Variants in CTNNA3 observed in about 807,000 individuals in gnomAD.
The protein encoded by CTNNA3 is catenin alpha 3.
In CTNNA3, 76 loss-of-function variants were observed where a neutral mutation model predicts 95.7. That is an observed-to-expected ratio of 0.79 (90% CI 0.66 to 0.96). The LOEUF (loss-of-function observed/expected upper bound fraction) is 0.96. Ranked by LOEUF, CTNNA3 falls within the 40% of genes least tolerant of loss-of-function variation. The pLI, the probability that CTNNA3 is intolerant of heterozygous loss-of-function variation, is 0.00. For synonymous variants in CTNNA3, 431 were observed against 374.4 expected (o/e 1.15, Z -1.74); for missense variants, 1,191 against 1,089.8 (o/e 1.09, Z -1.31).
rs2091578506 is a variant in CTNNA3, at chr10:66,285,854, G to T, written c.1733-5233C>A. Among the ~76,000 whole-genome samples the T allele has an allele frequency of 3.3e-5, 5 of 151,104 alleles. No homozygotes were observed. The South Asian group carries it at 1.0e-3, about 32-fold the overall frequency. ...ATAAGAAGTTCGTGCAACTGTTTTG[G>T]TTCATGCAAATAGAATCATACTGCA... On this transcript the variant is annotated intron_variant, in intron 12 of 17. Transcript: ENST00000433211.
chr10:67,442,452 T>C (rs1846556901), intron 5 of CTNNA3, among the ~76,000 whole-genome samples: 1 of 152,062 alleles, frequency 6.6e-6, no homozygotes, highest in Non-Finnish European at 1.5e-5. Context: ...CCCAATGATC[T>C]GTTGCCTACA....
intron 13 of CTNNA3, among the ~76,000 whole-genome samples, chr10:66,148,024 T>C (rs1303335277): frequency 6.6e-6 from 1 of 151,734 alleles, no homozygotes; most frequent in Non-Finnish European, 1.5e-5. Flanking sequence ...CAGCTCATTA[T>C]TGTTTTATTT....
At chr10:66,136,946 T>A (rs1251912488) in intron 13 of CTNNA3, among the ~76,000 whole-genome samples, 1 of 152,004 alleles carries the variant, frequency 6.6e-6, no homozygotes, top group Non-Finnish European at 1.5e-5. Flanking sequence ...CTCAGCCTCC[T>A]GAGTACCTGG....
At chr10:66,244,602 A>C (rs1408958319) in intron 13 of CTNNA3, among the ~76,000 whole-genome samples, 1 of 152,020 alleles carries the variant, frequency 6.6e-6, no homozygotes, top group Non-Finnish European at 1.5e-5. Context: ...TCTGCCTGGT[A>C]ATTCGGAGAA....
At chr10:67,032,028 A>G (rs1201156867) in intron 7 of CTNNA3, among the ~76,000 whole-genome samples, 1 of 152,194 alleles carries the variant, frequency 6.6e-6, no homozygotes, top group Non-Finnish European at 1.5e-5. Flanking sequence ...GGCCATGCAT[A>G]ATTTGTCTGC....
At chr10:67,078,767 C>T (rs1306940612) in intron 7 of CTNNA3, among the ~76,000 whole-genome samples, 6 of 152,218 alleles carry the variant, frequency 3.9e-5, no homozygotes, top group African/African-American at 1.2e-4. Flanking sequence ...CTGCCCACCT[C>T]GGCCCCCCAA....
chr10:67,237,399 G>T (rs1017329876), intron 5 of CTNNA3, among the ~76,000 whole-genome samples: 2 of 151,244 alleles, frequency 1.3e-5, no homozygotes, highest in African/African-American at 2.4e-5. Context: ...TGTGGAATTG[G>T]GGGAAGGGAT....
chr10:67,233,613 A>G (rs1485011098), intron 5 of CTNNA3, among the ~76,000 whole-genome samples: 1 of 146,628 alleles, frequency 6.8e-6, no homozygotes, highest in Non-Finnish European at 1.5e-5. Context: ...TAGAAAAGCA[A>G]GAGCAAACAC....
intron 1 of CTNNA3, among the ~76,000 whole-genome samples, chr10:67,758,859 G>A (rs1841448010): frequency 6.6e-6 from 1 of 152,082 alleles, no homozygotes; most frequent in African/African-American, 2.4e-5. Context: ...GAGAATTTGA[G>A]GTTGAATATT....
intron 13 of CTNNA3, among the ~76,000 whole-genome samples, chr10:66,162,730 G>C (rs1262691709): frequency 1.3e-5 from 2 of 152,086 alleles, no homozygotes; most frequent in African/African-American, 2.4e-5. Context: ...ATCAGGTATA[G>C]TAGTATGGAG....
intron 5 of CTNNA3, among the ~76,000 whole-genome samples, chr10:67,431,453 T>C (rs915245541): frequency 6.6e-6 from 1 of 152,024 alleles, no homozygotes; most frequent in Non-Finnish European, 1.5e-5. Flanking sequence ...ATGAGATAGA[T>C]ACCTATGTTA....
intron 13 of CTNNA3, among the ~76,000 whole-genome samples, chr10:66,251,923 A>G (rs1026533189): frequency 1.3e-5 from 2 of 152,298 alleles, no homozygotes; most frequent in Admixed American, 1.3e-4. Context: ...TGCCTAACAT[A>G]ATACAACTAC....
intron 7 of CTNNA3, among the ~76,000 whole-genome samples, chr10:66,863,948 A>G (rs1192638314): frequency 1.3e-5 from 2 of 152,192 alleles, no homozygotes; most frequent in Non-Finnish European, 2.9e-5. Flanking sequence ...TAGAAATGGC[A>G]TTGAGGTAAT....
chr10:67,098,365 A>G (rs1263286678), intron 7 of CTNNA3: 1 of 152,386 alleles, frequency 6.6e-6, no homozygotes, highest in Non-Finnish European at 1.5e-5. Context: ...GTAGAATTTT[A>G]TCTACTTGTT....
intron 8 of CTNNA3, among the ~76,000 whole-genome samples, chr10:66,770,325 C>A (rs2132803127): frequency 6.6e-6 from 1 of 152,236 alleles, no homozygotes; most frequent in South Asian, 2.1e-4. Context: ...GCATTATTTT[C>A]CTGCCCAGTG....
chr10:66,792,680 C>G (rs906420550), intron 7 of CTNNA3, among the ~76,000 whole-genome samples: 16 of 152,152 alleles, frequency 1.1e-4, no homozygotes, highest in African/African-American at 3.6e-4. Context: ...TCAATTACCA[C>G]TTGGCAACAT....
chr10:65,978,296 G>T (rs1014069994), intron 16 of CTNNA3, among the ~76,000 whole-genome samples: 1 of 151,922 alleles, frequency 6.6e-6, no homozygotes, highest in Non-Finnish European at 1.5e-5. Flanking sequence ...TATATATGTT[G>T]CAGTTCCTCC....
chr10:66,732,770 CATT>C (rs148796954), intron 9 of CTNNA3, among the ~76,000 whole-genome samples: 3,755 of 152,016 alleles, frequency 0.025, 153 homozygotes, highest in African/African-American at 0.087. Flanking sequence ...CACAGCCAAA[CATT>C]ATCCCCTAAA....
In CTNNA3 at chr10:67,369,575, A is replaced by G. The variant is rs573484477; in HGVS notation, c.580-149705T>C. ...ATTCAAAAGACAACAATCTGGAAAA[A>G]GTGTAATTGCAAGTCATATTACAAA... On this transcript the variant is annotated intron_variant, in intron 5 of 17. Transcript: ENST00000433211. 2.6e-4 allele frequency among the ~76,000 whole-genome samples: 40 copies of G among 152,346 alleles called. 1 individual carries two copies. In the South Asian group the frequency reaches 4.1e-3, roughly 16 times the overall value.
Sources: gnomAD v4.1 joint callset for allele counts (sites outside exome capture counted in the v4.1 genomes callset) on GRCh38, gnomAD v4.1.1 for gene constraint, MANE v1.5 for transcripts, NCBI Gene and HGNC (gene_info 2026-07-23, HGNC 2026-07-21) for gene names.